Variants in PTP4A2 observed in about 807,000 individuals in gnomAD.
The protein encoded by PTP4A2 is protein tyrosine phosphatase type IVA 2.
PTP4A2 carries 2 observed loss-of-function variants against 22.9 expected under a neutral mutation model. That is an observed-to-expected ratio of 0.09 (90% confidence interval 0.04 to 0.27). The LOEUF (loss-of-function observed/expected upper bound fraction) is 0.27. Ranked by LOEUF, PTP4A2 falls within the 10% of genes least tolerant of loss-of-function variation. PTP4A2 has a pLI of 1.00. For synonymous variants in PTP4A2, 68 were observed against 69.1 expected, an observed-to-expected ratio of 0.98 and a Z score of 0.08; for missense variants, 103 against 205.1, an observed-to-expected ratio of 0.50 and a Z score of 3.04.
At chr1:31,936,913 A>G (rs1213700083) in intron 1 of PTP4A2, among the ~76,000 whole-genome samples, 1 of 152,214 alleles carries the variant, frequency 6.6e-6, no homozygotes, top group Non-Finnish European at 1.5e-5. Context: ...GACTCCGGAC[A>G]GACAAACATT....
At chr1:31,923,860 TA>T (rs1218399198) in intron 1 of PTP4A2, among the ~76,000 whole-genome samples, 1 of 152,184 alleles carries the variant, frequency 6.6e-6, no homozygotes, top group Admixed American at 6.5e-5. Flanking sequence ...CAATCTTCCA[TA>T]CAAGTATAAT....
intron 3 of PTP4A2, 88 bp downstream of exon 3, chr1:31,915,807 G>A (rs1651800222): frequency 4.8e-6 from 4 of 832,118 alleles, no homozygotes; most frequent in Non-Finnish European, 7.6e-6. Flanking sequence ...GATTATAGGT[G>A]TGAGCCAGTG....
At chr1:31,931,005 C>T (rs1387339927) in intron 1 of PTP4A2, 2 of 152,184 alleles carry the variant, frequency 1.3e-5, no homozygotes, top group African/African-American at 2.4e-5. Context: ...CTTTCTCGTC[C>T]TCTTCCTCCA....
At chr1:31,911,667 CA>C in intron 4 of PTP4A2, 28 bp downstream of exon 4, 4 of 1,530,878 alleles carry the variant, frequency 2.6e-6, no homozygotes, top group Non-Finnish European at 2.6e-6. Context: ...TGAATTCAGA[CA>C]AAAAGGGTAA....
intron 2 of PTP4A2, among the ~76,000 whole-genome samples, chr1:31,918,248 CAAA>C (rs111227977): frequency 9.5e-6 from 1 of 105,160 alleles, no homozygotes; most frequent in Admixed American, 9.6e-5. Context: ...CTCCATCTCC[CAAA>C]AAAAAAAAAA....
At chr1:31,936,738 G>A (rs1482914606) in intron 1 of PTP4A2, among the ~76,000 whole-genome samples, 2 of 152,132 alleles carry the variant, frequency 1.3e-5, no homozygotes, top group Non-Finnish European at 2.9e-5. Context: ...ATGGTGTGCT[G>A]GCAAGTGATT....
At position 31,919,394 on chromosome 1, in the gene PTP4A2, A is replaced by AGC. The variant is rs1180353864; in HGVS notation, c.-330_-329insGC. 2 of 162,386 alleles carry AGC rather than the reference A, an allele frequency of 1.2e-5. No individual in the cohort carries two copies. Among genetic ancestry groups the AGC allele is most frequent in the Non-Finnish European group, 2.7e-5 (2 of 74,624 alleles). 10.1% of individuals were successfully genotyped at this position (162,386 alleles called of 1,614,324 possible). A position where few individuals can be genotyped will look rare whatever the true frequency, so the allele number is the denominator to read the frequency against. ...ATTTAGGCACTAGTGAGACAAGTTA[A>AGC]AAGTGTAGGTCACTTTCCACTTGTT... On this transcript the variant is annotated 5_prime_UTR_variant, in exon 2 of 6. Transcript: ENST00000647444.
chr1:31,936,325 G>A (rs990552165), intron 1 of PTP4A2, among the ~76,000 whole-genome samples: 2 of 151,776 alleles, frequency 1.3e-5, no homozygotes, highest in African/African-American at 4.8e-5. Context: ...TGTATTCTCA[G>A]CTACTTGGGA....
intron 1 of PTP4A2, among the ~76,000 whole-genome samples, chr1:31,923,576 C>T (rs533368971): frequency 0.042 from 6,276 of 150,070 alleles, 183 homozygotes; most frequent in Middle Eastern, 0.1. Context: ...CCTCGTGATC[C>T]GCCCGCCTCG....
intron 1 of PTP4A2, among the ~76,000 whole-genome samples, chr1:31,934,134 C>T (rs530088422): frequency 2.0e-5 from 3 of 151,954 alleles, no homozygotes; most frequent in East Asian, 3.9e-4. Context: ...TGGCGTGTGC[C>T]GGTAATCCAG....
In PTP4A2 at chr1:31,908,134, ATTATATTATATATATATATATATATAT is replaced by A; in HGVS notation, c.*691_*717del. 1 of 4,694 alleles carries A rather than the reference ATTATATTATATATATATATATATATAT, an allele frequency of 2.1e-4. No individual in the cohort carries two copies. The highest frequency in any genetic ancestry group is 3.6e-4 in the Non-Finnish European group (1 of 2,770). 0.3% of individuals were successfully genotyped at this position (4,694 alleles called of 1,614,324 possible). ...GGAAAATATATATATATATATATAT[ATTATATTATATATATATATATATATAT>A]ATATATATATATATATATATATATA... On this transcript the variant is annotated 3_prime_UTR_variant, in exon 6 of 6. Coordinates refer to ENST00000647444, the MANE Select transcript of PTP4A2 (RefSeq NM_080391.4).
intron 1 of PTP4A2, among the ~76,000 whole-genome samples, chr1:31,922,482 A>G (rs768802182): frequency 1.3e-5 from 2 of 150,984 alleles, no homozygotes; most frequent in Non-Finnish European, 3.0e-5. Context: ...AAACTCTGTC[A>G]AAAAAAAAAT....
rs114792104 is a variant in PTP4A2 at position 31,934,931 on chromosome 1, T to C, written c.-594+3056A>G. Among the ~76,000 whole-genome samples the C allele has an allele frequency of 2.5e-3, 380 of 152,338 alleles. 2 individuals are homozygous for C. The highest frequency in any genetic ancestry group is 8.7e-3 in the African/African-American group (360 of 41,582). ...TACCCCGTTCAGCAGTTCAAAACTA[T>C]TTTTCATCTATAAAGGTGTTCTAAA... On this transcript the variant is annotated intron_variant, in intron 1 of 5. Transcript: ENST00000647444.
intron 5 of PTP4A2, among the ~76,000 whole-genome samples, chr1:31,909,623 G>A (rs1485409906): frequency 1.3e-5 from 2 of 150,996 alleles, no homozygotes; most frequent in African/African-American, 2.4e-5. Flanking sequence ...AGTGAGCCGA[G>A]ATTGAGCCAC....
intron 4 of PTP4A2, chr1:31,910,342 G>A (rs980818795): frequency 5.1e-6 from 2 of 392,628 alleles, no homozygotes; most frequent in East Asian, 4.1e-5. Context: ...AGGCCAGAGT[G>A]CAGTGGCACA....
intron 1 of PTP4A2, among the ~76,000 whole-genome samples, chr1:31,927,065 A>G (rs940015186): frequency 3.9e-5 from 6 of 152,214 alleles, no homozygotes; most frequent in African/African-American, 9.7e-5. Context: ...AGAGAAATAA[A>G]AGAGAGCCTT....
chr1:31,916,442 T>C (rs1651852428), intron 2 of PTP4A2, among the ~76,000 whole-genome samples: 1 of 149,740 alleles, frequency 6.7e-6, no homozygotes, highest in Non-Finnish European at 1.5e-5. Flanking sequence ...GTTCTCACTG[T>C]GGTTATATAT....
At chr1:31,922,731 G>A (rs774120561) in intron 1 of PTP4A2, among the ~76,000 whole-genome samples, 54 of 151,568 alleles carry the variant, frequency 3.6e-4, no homozygotes, top group Non-Finnish European at 5.9e-4. Flanking sequence ...TGTCTCAAGC[G>A]ATCCTCCCAC....
intron 1 of PTP4A2, among the ~76,000 whole-genome samples, chr1:31,930,166 G>T (rs938200338): frequency 6.6e-6 from 1 of 151,848 alleles, no homozygotes; most frequent in Non-Finnish European, 1.5e-5. Context: ...GTGAAACCCC[G>T]TCTCTACTAA....
Sources: gnomAD v4.1 joint callset for allele counts (sites outside exome capture counted in the v4.1 genomes callset) on GRCh38, gnomAD v4.1.1 for gene constraint, MANE v1.5 for transcripts, NCBI Gene and HGNC (gene_info 2026-07-23, HGNC 2026-07-21) for gene names.